Variants in SPON1 observed in about 807,000 individuals in gnomAD.
SPON1 encodes spondin 1.
Under a neutral mutation model 111.7 loss-of-function variants are expected in SPON1, and 52 were observed. The observed-to-expected ratio is 0.47, with a 90% confidence interval of 0.37 to 0.59. The LOEUF is 0.59. Among genes scored for constraint, SPON1 ranks in the 20% least tolerant of loss-of-function variants. The pLI is 0.00. For missense variants in SPON1, 957 were observed against 1,068.5 expected (o/e 0.90, Z 1.46); for synonymous variants, 410 against 395.8 (o/e 1.04, Z -0.43).
intron 3 of SPON1, among the ~76,000 whole-genome samples, chr11:14,043,192 A>T (rs1457637098): frequency 4.6e-5 from 7 of 152,178 alleles, no homozygotes; most frequent in African/African-American, 1.7e-4. Flanking sequence ...GTCAGCTGCC[A>T]TTACTAGCAT....
intron 7 of SPON1, among the ~76,000 whole-genome samples, chr11:14,253,979 C>T (rs3815984): frequency 0.061 from 9,218 of 152,220 alleles, 368 homozygotes; most frequent in East Asian, 0.17. Context: ...GGTTGAAGAG[C>T]GGCCTCTGAT....
chr11:14,188,097 G>A (rs549254528), intron 6 of SPON1, among the ~76,000 whole-genome samples: 1 of 152,114 alleles, frequency 6.6e-6, no homozygotes, highest in Non-Finnish European at 1.5e-5. Context: ...TTTAGCAGAC[G>A]GGGTTTCAGC....
At chr11:13,963,936 T>G (rs1405489766) in intron 1 of SPON1, among the ~76,000 whole-genome samples, 1 of 152,162 alleles carries the variant, frequency 6.6e-6, no homozygotes, top group Non-Finnish European at 1.5e-5. Context: ...CCGGGGAACC[T>G]TGGCTCCGGC....
intron 3 of SPON1, among the ~76,000 whole-genome samples, chr11:14,049,273 T>A (rs1848691148): frequency 6.6e-6 from 1 of 152,188 alleles, no homozygotes; most frequent in African/African-American, 2.4e-5. Flanking sequence ...CTTGGCTCTT[T>A]TTTTATCACT....
intron 6 of SPON1, among the ~76,000 whole-genome samples, chr11:14,166,489 CT>C (rs1214926409): frequency 6.6e-6 from 1 of 152,112 alleles, no homozygotes; most frequent in Non-Finnish European, 1.5e-5. Flanking sequence ...AGAAGTTTGG[CT>C]TTTTCATGTA....
At chr11:14,198,303 T>C (rs1308299032) in intron 6 of SPON1, among the ~76,000 whole-genome samples, 1 of 152,136 alleles carries the variant, frequency 6.6e-6, no homozygotes, top group African/African-American at 2.4e-5. Flanking sequence ...GGAAGGAAAA[T>C]CCAAATGCAG....
At chr11:14,061,070 G>A (rs113225124) in intron 3 of SPON1, among the ~76,000 whole-genome samples, 3 of 152,198 alleles carry the variant, frequency 2.0e-5, no homozygotes, top group Admixed American at 6.5e-5. Flanking sequence ...CTACACCAAC[G>A]TAGTTCATTA....
chr11:14,070,505 G>A (rs1848866997), intron 3 of SPON1, among the ~76,000 whole-genome samples: 1 of 151,984 alleles, frequency 6.6e-6, no homozygotes, highest in South Asian at 2.1e-4. Flanking sequence ...TTTTGTTAGG[G>A]GCTGGTGACT....
intron 5 of SPON1, among the ~76,000 whole-genome samples, chr11:14,124,577 A>G (rs1461896527): frequency 4.6e-5 from 7 of 152,220 alleles, no homozygotes; most frequent in Non-Finnish European, 8.8e-5. Context: ...CAGTGTCTCT[A>G]TGACCTGGCA....
chr11:14,188,119 G>A (rs1321351417), intron 6 of SPON1, among the ~76,000 whole-genome samples: 5 of 152,036 alleles, frequency 3.3e-5, no homozygotes, highest in African/African-American at 1.2e-4. Flanking sequence ...TGTTGGCCAC[G>A]CTGGTCTCAA....
chr11:14,043,216 A>G (rs1848644977), intron 3 of SPON1, among the ~76,000 whole-genome samples: 1 of 152,188 alleles, frequency 6.6e-6, no homozygotes, highest in South Asian at 2.1e-4. Context: ...GCAGAGTCTC[A>G]AAGACAGGCA....
Position 14,265,663 on chromosome 11 carries a change from A to G in SPON1, c.2400A>G (p.Arg800=). 1 of 1,613,726 alleles carries G rather than the reference A, an allele frequency of 6.2e-7. No individual in the cohort carries two copies. The part of the protein sequence containing the change: ...FTSCKDKKEI[R]ACNVHPC ...GCTGCAAAGACAAGAAGGAGATCAG[A>G]GCATGCAATGTTCATCCTTGTTAGC... Residue 800 remains arginine, a synonymous_variant, in exon 16 of 16, where the codon AGA becomes AGG. Coordinates refer to ENST00000576479, the MANE Select transcript of SPON1 (RefSeq NM_006108.4).
At chr11:13,978,560 A>G (rs1337624281) in intron 1 of SPON1, among the ~76,000 whole-genome samples, 6 of 152,218 alleles carry the variant, frequency 3.9e-5, no homozygotes, top group Non-Finnish European at 8.8e-5. Context: ...GACTTTACAC[A>G]TATTACTTCA....
chr11:14,119,716 C>T (rs1351705749), intron 5 of SPON1, among the ~76,000 whole-genome samples: 1 of 152,120 alleles, frequency 6.6e-6, no homozygotes. Context: ...CTACTTGCCA[C>T]ATGTGATACA....
At chr11:14,184,942 G>C (rs1848270814) in intron 6 of SPON1, among the ~76,000 whole-genome samples, 3 of 152,146 alleles carry the variant, frequency 2.0e-5, no homozygotes. Context: ...TGGAAGACCA[G>C]AGCTCAAAGT....
At chr11:14,054,867 C>T (rs1010224810) in intron 3 of SPON1, among the ~76,000 whole-genome samples, 2 of 152,166 alleles carry the variant, frequency 1.3e-5, no homozygotes, top group East Asian at 3.9e-4. Context: ...TGGCTTTGTA[C>T]AGGCTCACAG....
chr11:14,035,625 T>C (rs1848588908), intron 2 of SPON1, among the ~76,000 whole-genome samples: 1 of 127,186 alleles, frequency 7.9e-6, no homozygotes, highest in Admixed American at 7.7e-5. Context: ...TTTTTTTTTT[T>C]TTTTTTTTTT....
chr11:14,150,721 A>C (rs1436573794), intron 6 of SPON1, among the ~76,000 whole-genome samples: 1 of 152,224 alleles, frequency 6.6e-6, no homozygotes, highest in East Asian at 1.9e-4. Flanking sequence ...TTACCTGCTG[A>C]AATGGTAATC....
chr11:14,178,045 A>AACACACACAC (rs5789825), intron 6 of SPON1, among the ~76,000 whole-genome samples: 7,486 of 142,632 alleles, frequency 0.052, 252 homozygotes, highest in Non-Finnish European at 0.073. Flanking sequence ...CACACACACA[A>AACACACACAC]ACACACACAC....
Sources: allele counts gnomAD v4.1 joint callset (sites outside exome capture counted in the v4.1 genomes callset), GRCh38; gene constraint gnomAD v4.1.1; transcripts MANE v1.5; gene names NCBI Gene and HGNC (gene_info 2026-07-23, HGNC 2026-07-21).